ANKRD55: variants seen among roughly 807,000 people sequenced by gnomAD.
ANKRD55 encodes ankyrin repeat domain-containing protein 55.
Under a neutral mutation model 60.6 loss-of-function variants are expected in ANKRD55, and 41 were observed. The ratio of observed to expected loss-of-function variants is 0.68; its 90% CI spans 0.53 to 0.88. The LOEUF is 0.88. Among genes scored for constraint, ANKRD55 ranks in the 40% least tolerant of loss-of-function variants. ANKRD55 has a pLI of 0.00. For synonymous variants in ANKRD55, 264 were observed against 290.3 expected, an observed-to-expected ratio of 0.91 and a Z score of 0.92; for missense variants, 732 against 767.6, an observed-to-expected ratio of 0.95 and a Z score of 0.55.
intron 7 of ANKRD55, among the ~76,000 whole-genome samples, chr5:56,128,557 C>G (rs1757334489): frequency 6.6e-6 from 1 of 152,190 alleles, no homozygotes; most frequent in African/African-American, 2.4e-5. Context: ...TCCTTTGTCT[C>G]TATACCTGAA....
chr5:56,179,568 G>C (rs549481322), intron 3 of ANKRD55, among the ~76,000 whole-genome samples: 1 of 152,280 alleles, frequency 6.6e-6, no homozygotes, highest in East Asian at 1.9e-4. Flanking sequence ...AACTTGGTTA[G>C]GTAAGGTGTG....
chr5:56,130,667 T>C (rs530522362), intron 7 of ANKRD55, among the ~76,000 whole-genome samples: 2 of 152,204 alleles, frequency 1.3e-5, no homozygotes, highest in Admixed American at 1.3e-4. Flanking sequence ...ATGGCAGGGA[T>C]ATGGGAATTA....
chr5:56,112,511 A>AAAAAAAACAAAAAAAAAAAAC lies in ANKRD55; in HGVS notation c.966-730_966-729insGTTTTTTTTTTTTGTTTTTTT, dbSNP rs1554036588. Among the ~76,000 whole-genome samples the AAAAAAAACAAAAAAAAAAAAC allele has an allele frequency of 3.7e-5, 3 of 81,528 alleles. 1 individual carries two copies. Among genetic ancestry groups the AAAAAAAACAAAAAAAAAAAAC allele is most frequent in the African/African-American group, 1.6e-4 (3 of 18,514 alleles). The allele number at this position is 81,528 out of a possible 152,430, so 53.5% of individuals were successfully genotyped here. Reference sequence around the variant, plus strand: ...GCAGGATCTCATCTCTAGCAAAAAAAAAAAAAAAAAACAACCAAGGAAAGA... The same window carrying AAAAAAAACAAAAAAAAAAAAC: ...GCAGGATCTCATCTCTAGCAAAAAAAAAAAAAACAAAAAAAAAAAACAAAAAAAAAAACAACCAAGGAAAGA... On this transcript the variant is annotated intron_variant, in intron 9 of 11. Coordinates refer to ENST00000341048, the MANE Select transcript of ANKRD55 (RefSeq NM_024669.3).
At chr5:56,225,285 C>A (rs574489854) in intron 2 of ANKRD55, among the ~76,000 whole-genome samples, 8 of 152,204 alleles carry the variant, frequency 5.3e-5, no homozygotes, top group African/African-American at 1.9e-4. Flanking sequence ...ATTCAACAGC[C>A]CTTCATGTTA....
intron 2 of ANKRD55, among the ~76,000 whole-genome samples, chr5:56,231,487 C>A (rs1760250591): frequency 6.6e-6 from 1 of 152,118 alleles, no homozygotes; most frequent in African/African-American, 2.4e-5. Flanking sequence ...ATTTTTCAGC[C>A]AGTGTGAGCT....
chr5:56,168,576 G>A (rs909658244), intron 5 of ANKRD55, among the ~76,000 whole-genome samples: 4 of 152,044 alleles, frequency 2.6e-5, no homozygotes, highest in African/African-American at 7.3e-5. Flanking sequence ...TAATTTGTAC[G>A]CTAAATTTTA....
intron 2 of ANKRD55, among the ~76,000 whole-genome samples, chr5:56,205,953 A>AT (rs896756578): frequency 1.4e-4 from 19 of 138,518 alleles, no homozygotes; most frequent in East Asian, 2.1e-4. Context: ...TCACTGATGC[A>AT]TTTTTTTTTC....
At chr5:56,162,068 G>A in intron 5 of ANKRD55, 3 of 985,082 alleles carry the variant, frequency 3.0e-6, no homozygotes, top group Non-Finnish European at 3.6e-6. Flanking sequence ...GGCCCATTTG[G>A]TCTGAGGGAC....
intron 4 of ANKRD55, among the ~76,000 whole-genome samples, chr5:56,171,567 T>C (rs1758611631): frequency 6.6e-6 from 1 of 152,198 alleles, no homozygotes; most frequent in African/African-American, 2.4e-5. Context: ...CCATACCTAT[T>C]GATAACCAAG....
At chr5:56,151,824 A>AATCT (rs1554039877) in intron 6 of ANKRD55, among the ~76,000 whole-genome samples, 1 of 53,830 alleles carries the variant, frequency 1.9e-5, no homozygotes, top group Non-Finnish European at 3.9e-5. Flanking sequence ...GAAAAAAAAA[A>AATCT]ATCTATATAT....
At chr5:56,135,288 CTGCT>C (rs760579731) in intron 7 of ANKRD55, among the ~76,000 whole-genome samples, 7,496 of 92,778 alleles carry the variant, frequency 0.081, 694 homozygotes, top group Non-Finnish European at 0.1. Flanking sequence ...CCCTGCCTGC[CTGCT>C]TGCTTTCTTT....
At chr5:56,157,407 C>T (rs562592022) in intron 6 of ANKRD55, among the ~76,000 whole-genome samples, 29 of 152,186 alleles carry the variant, frequency 1.9e-4, no homozygotes, top group African/African-American at 6.5e-4. Flanking sequence ...TCCACCAGCC[C>T]GACACATGTA....
intron 10 of ANKRD55, among the ~76,000 whole-genome samples, chr5:56,105,304 C>A (rs1328809258): frequency 6.6e-6 from 1 of 152,260 alleles, no homozygotes; most frequent in African/African-American, 2.4e-5. Context: ...CCAGGCTGAT[C>A]TTGAACTCCT....
intron 7 of ANKRD55, among the ~76,000 whole-genome samples, chr5:56,139,948 A>G (rs945770596): frequency 2.0e-5 from 3 of 152,292 alleles, no homozygotes; most frequent in Non-Finnish European, 4.4e-5. Context: ...GTGTGCCTGT[A>G]GTCCCAGCTA....
intron 6 of ANKRD55, chr5:56,146,872 A>T (rs1757913630): frequency 6.6e-6 from 1 of 152,242 alleles, no homozygotes; most frequent in African/African-American, 2.4e-5. Flanking sequence ...CGTGAGGTAG[A>T]TGGCAATGAG....
chr5:56,193,272 C>A, intron 2 of ANKRD55: 1 of 1,090,094 alleles, frequency 9.2e-7, no homozygotes, highest in Non-Finnish European at 1.3e-6. Flanking sequence ...GAAGACTTAG[C>A]ACTGGGGAGA....
intron 7 of ANKRD55, chr5:56,127,548 T>C: frequency 1.0e-6 from 1 of 984,328 alleles, no homozygotes; most frequent in Non-Finnish European, 1.2e-6. Context: ...CTATGATGAG[T>C]ACTGATTGGT....
At chr5:56,186,936 C>T (rs567672140) in intron 2 of ANKRD55, among the ~76,000 whole-genome samples, 2 of 152,268 alleles carry the variant, frequency 1.3e-5, no homozygotes, top group South Asian at 4.1e-4. Flanking sequence ...CTGTGTTTAA[C>T]AGCCTGTTCA....
At chr5:56,171,963 C>T (rs1488364824) in intron 4 of ANKRD55, among the ~76,000 whole-genome samples, 1 of 151,750 alleles carries the variant, frequency 6.6e-6, no homozygotes, top group Admixed American at 6.6e-5. Flanking sequence ...ACCAAAAATA[C>T]AAAAAATTAG....
Sources: allele counts gnomAD v4.1 joint callset (sites outside exome capture counted in the v4.1 genomes callset), GRCh38; gene constraint gnomAD v4.1.1; transcripts MANE v1.5; gene names NCBI Gene and HGNC (gene_info 2026-07-23, HGNC 2026-07-21).